Variants in WDFY2 observed in about 807,000 individuals in gnomAD.
WDFY2 encodes the protein WD repeat and FYVE domain-containing protein 2.
A neutral mutation model predicts 56.4 loss-of-function variants in WDFY2; 36 were observed. The ratio of observed to expected loss-of-function variants is 0.64; its 90% CI spans 0.49 to 0.84. The LOEUF is 0.84. WDFY2 is among the 40% of genes least tolerant of loss of function. The probability of loss-of-function intolerance (pLI) is 0.00; values close to 1 mark genes in which losing one functional copy is unlikely to be tolerated. For synonymous variants in WDFY2, 176 were observed against 183.7 expected (o/e 0.96, Z 0.34); for missense variants, 444 against 512.2 (o/e 0.87, Z 1.29).
In WDFY2 at chr13:51,760,133, C is replaced by CA. The variant is rs1222801434; in HGVS notation, c.*365dup. On this transcript the variant is annotated 3_prime_UTR_variant, in exon 12 of 12. Coordinates refer to ENST00000298125, the MANE Select transcript of WDFY2 (RefSeq NM_052950.4). ...CAGAGAAATAAGGGAGGTATCTACT[C>CA]AGAGTATTTTGGTCATTATACTTTC... 3 of 192,500 alleles carry CA rather than the reference C, an allele frequency of 1.6e-5. No homozygotes were observed. The highest frequency in any genetic ancestry group is 7.0e-5 in the African/African-American group (3 of 43,066). 11.9% of individuals were successfully genotyped at this position (192,500 alleles called of 1,614,324 possible).
At chr13:51,714,717 T>C (rs1342905427) in intron 4 of WDFY2, among the ~76,000 whole-genome samples, 2 of 152,202 alleles carry the variant, frequency 1.3e-5, no homozygotes, top group African/African-American at 2.4e-5. Flanking sequence ...CTCCTAGTTA[T>C]GTACCCAACA....
chr13:51,732,051 A>G (rs1166263119), intron 6 of WDFY2, among the ~76,000 whole-genome samples: 1 of 152,220 alleles, frequency 6.6e-6, no homozygotes, highest in Non-Finnish European at 1.5e-5. Context: ...AATGCCGGAT[A>G]TCATAGTTCT....
In WDFY2 at chr13:51,751,363, G is replaced by A. The variant is rs373800955; in HGVS notation, c.779G>A (p.Cys260Tyr). Residue 260 changes from cysteine to tyrosine, a missense_variant, in exon 8 of 12, where the codon TGT becomes TAT. Cys to Tyr is a radical substitution (Grantham distance 194). Coordinates refer to ENST00000298125, the MANE Select transcript of WDFY2 (RefSeq NM_052950.4). ...YAQHTRQLIS[C>Y]GGDGGIVVWN... ...CAGCACACGCGACAATTGATCTCCTGTGGCGGTGATGGTGGGATTGTCGTC... is the reference window on the plus strand; with the variant it reads ...CAGCACACGCGACAATTGATCTCCTATGGCGGTGATGGTGGGATTGTCGTC... 1 of 1,614,110 alleles carries A rather than the reference G, an allele frequency of 6.2e-7. No homozygotes were observed. The highest frequency in any genetic ancestry group is 1.6e-4 in the Middle Eastern group (1 of 6,062).
At position 51,760,942 on chromosome 13, in the gene WDFY2, A is replaced by AC. The variant is rs35325023; in HGVS notation, c.*1178dup. 1 of 152,022 alleles carries AC rather than the reference A, an allele frequency of 6.6e-6. No individual in the cohort carries two copies. The highest frequency in any genetic ancestry group is 1.5e-5 in the Non-Finnish European group (1 of 68,000). The allele number at this position is 152,022 out of a possible 1,614,324, so 9.4% of individuals were successfully genotyped here. ...ACCCATCTGCAGCCCAGGGTTGGGG[A>AC]CCCCCACCATACATGCTCTGAAAAT... is the stretch of plus-strand genomic sequence containing the variant. On this transcript the variant is annotated 3_prime_UTR_variant, in exon 12 of 12. Coordinates refer to ENST00000298125, the MANE Select transcript of WDFY2 (RefSeq NM_052950.4).
chr13:51,753,121 G>A (rs1953274770), intron 8 of WDFY2: 1 of 152,280 alleles, frequency 6.6e-6, no homozygotes. Context: ...GAAGGATTGA[G>A]GGAGGAACAT....
At chr13:51,659,848 A>C (rs1384331375) in intron 1 of WDFY2, among the ~76,000 whole-genome samples, 1 of 152,208 alleles carries the variant, frequency 6.6e-6, no homozygotes, top group East Asian at 1.9e-4. Flanking sequence ...AAGACCATGG[A>C]CTGTATAATC....
At chr13:51,751,892 A>G (rs993735743) in intron 8 of WDFY2, among the ~76,000 whole-genome samples, 1 of 152,220 alleles carries the variant, frequency 6.6e-6, no homozygotes, top group African/African-American at 2.4e-5. Context: ...ATATATCCTT[A>G]GTTTTCTAGC....
intron 1 of WDFY2, among the ~76,000 whole-genome samples, chr13:51,660,213 T>C (rs552886953): frequency 2.6e-5 from 4 of 152,196 alleles, no homozygotes; most frequent in Admixed American, 2.6e-4. Flanking sequence ...ATGTTTTTTT[T>C]TAAGACGGAG....
chr13:51,733,930 G>C, intron 6 of WDFY2, among the ~76,000 whole-genome samples: 1 of 152,172 alleles, frequency 6.6e-6, no homozygotes, highest in East Asian at 1.9e-4. Context: ...AAGAGTTATG[G>C]ATCTCAGGAA....
chr13:51,673,204 T>C (rs1955833841), intron 2 of WDFY2, among the ~76,000 whole-genome samples: 2 of 152,266 alleles, frequency 1.3e-5, no homozygotes, highest in Non-Finnish European at 2.9e-5. Context: ...AATGAAGATT[T>C]AAGAGTAGCC....
In WDFY2 at chr13:51,584,774, G is replaced by A. The variant is rs1454140989; in HGVS notation, c.87G>A (p.Met29Ile). 1 of 1,613,844 alleles carries A rather than the reference G, an allele frequency of 6.2e-7. No homozygotes were observed. Among genetic ancestry groups the A allele is most frequent in the African/African-American group, 1.3e-5 (1 of 74,940 alleles). The change falls in exon 1 of 12, where the codon ATG becomes ATA. Residue 29 changes from methionine (M) to isoleucine (I), a missense_variant. Transcript: ENST00000298125. Reference sequence around the variant, plus strand: ...AGGGGTCCCAGGAGGTGGTGAATATGGCCGTGATCGTGCCCAAAGAGGAGG... The same window carrying A: ...AGGGGTCCCAGGAGGTGGTGAATATAGCCGTGATCGTGCCCAAAGAGGAGG... ...RMEGSQEVVN[M>I]AVIVPKEEGV...
At chr13:51,696,296 G>T (rs1030422229) in intron 3 of WDFY2, among the ~76,000 whole-genome samples, 1 of 152,184 alleles carries the variant, frequency 6.6e-6, no homozygotes, top group African/African-American at 2.4e-5. Flanking sequence ...GTAGACCAGA[G>T]CTGTTCCTTT....
At chr13:51,627,118 G>A (rs538452687) in intron 1 of WDFY2, among the ~76,000 whole-genome samples, 26 of 152,348 alleles carry the variant, frequency 1.7e-4, no homozygotes, top group East Asian at 7.7e-4. Context: ...TCTGCTGCAG[G>A]CACCTGTGTC....
At chr13:51,623,146 C>T (rs1180079457) in intron 1 of WDFY2, among the ~76,000 whole-genome samples, 1 of 152,022 alleles carries the variant, frequency 6.6e-6, no homozygotes, top group Non-Finnish European at 1.5e-5. Flanking sequence ...GCAAGAGCCA[C>T]CGTGCATGGC....
At chr13:51,709,632 T>C (rs1052147357) in intron 4 of WDFY2, among the ~76,000 whole-genome samples, 5 of 152,116 alleles carry the variant, frequency 3.3e-5, no homozygotes, top group African/African-American at 7.2e-5. Context: ...AAATACAAAC[T>C]ACCATCAGAG....
At chr13:51,726,689 C>T (rs768609638) in intron 5 of WDFY2, among the ~76,000 whole-genome samples, 5 of 152,230 alleles carry the variant, frequency 3.3e-5, no homozygotes, top group Non-Finnish European at 5.9e-5. Context: ...AATTCCCAGA[C>T]ACTATGCCAA....
rs1384633509 is a variant in WDFY2 at position 51,761,322 on chromosome 13, A to AT, written c.*1555dup. On this transcript the variant is annotated 3_prime_UTR_variant, in exon 12 of 12. Coordinates refer to ENST00000298125, the MANE Select transcript of WDFY2 (RefSeq NM_052950.4). ...TGTGTGTAGTGATTCAGCTCAGGAT[A>AT]TTGAAGTCCCTTTTAAAAATCTTAT... is the stretch of plus-strand genomic sequence containing the variant. 6.6e-6 allele frequency: 1 copy of AT among 152,210 alleles called. No homozygotes were observed. Among genetic ancestry groups the AT allele is most frequent in the Non-Finnish European group, 1.5e-5 (1 of 68,032 alleles). 9.4% of individuals were successfully genotyped at this position (152,210 alleles called of 1,614,324 possible).
At chr13:51,628,372 G>A (rs1188302656) in intron 1 of WDFY2, among the ~76,000 whole-genome samples, 29 of 152,256 alleles carry the variant, frequency 1.9e-4, no homozygotes, top group Non-Finnish European at 1.5e-5. Flanking sequence ...TCTGAAATCA[G>A]AGCGGACGCC....
intron 3 of WDFY2, among the ~76,000 whole-genome samples, chr13:51,678,198 T>G (rs1955918985): frequency 6.6e-6 from 1 of 152,170 alleles, no homozygotes; most frequent in African/African-American, 2.4e-5. Flanking sequence ...TATGTTGTAT[T>G]GTGTATTTAA....
Sources: gnomAD v4.1 joint callset for allele counts (sites outside exome capture counted in the v4.1 genomes callset) on GRCh38, gnomAD v4.1.1 for gene constraint, MANE v1.5 for transcripts, NCBI Gene and HGNC (gene_info 2026-07-23, HGNC 2026-07-21) for gene names.